The following DTWD1 variants were observed in gnomAD, a reference collection of about 807,000 sequenced individuals.
DTWD1 encodes DTW motif tRNA-uridine aminocarboxypropyltransferase 1.
DTWD1 carries 27 observed loss-of-function variants against 30.2 expected under a neutral mutation model. The ratio of observed to expected loss-of-function variants is 0.90; its 90% confidence interval spans 0.66 to 1.23. DTWD1 has a LOEUF of 1.23. DTWD1 is among the 50% of genes most tolerant of loss of function. The probability of loss-of-function intolerance (pLI) is 0.00; values close to 1 mark genes in which losing one functional copy is unlikely to be tolerated. For missense variants in DTWD1, 342 were observed against 348.8 expected, an observed-to-expected ratio of 0.98 and a Z score of 0.15; for synonymous variants, 99 against 113.1, an observed-to-expected ratio of 0.88 and a Z score of 0.79.
chr15:49,635,129 G>A (rs762334951), intron 4 of DTWD1, among the ~76,000 whole-genome samples: 6 of 152,028 alleles, frequency 3.9e-5, no homozygotes, highest in African/African-American at 4.8e-5. Flanking sequence ...CCTCCTCCTG[G>A]GTTCAAGTGA....
Position 49,643,577 on chromosome 15 carries a change from A to G in DTWD1, c.914A>G (p.Ter305TrpextTer25). The G allele has an allele frequency of 6.3e-7, 1 of 1,584,184 alleles. No individual in the cohort carries two copies. Among genetic ancestry groups the G allele is most frequent in the Non-Finnish European group, 8.6e-7 (1 of 1,169,062 alleles). The part of the protein sequence containing the change: ...GDKETGKLTH[*>W] Reference sequence around the variant, plus strand: ...AAGGAAACAGGAAAACTTACACATTAGTTTTTAACAAGCCACTTATGTCTT... The same window carrying G: ...AAGGAAACAGGAAAACTTACACATTGGTTTTTAACAAGCCACTTATGTCTT... Residue 305 changes from the stop codon to tryptophan (W), a stop_lost, in exon 5 of 5, where the codon TAG becomes TGG. Transcript: ENST00000403028.
At chr15:49,642,475 A>G (rs1053867122) in intron 4 of DTWD1, among the ~76,000 whole-genome samples, 1 of 152,184 alleles carries the variant, frequency 6.6e-6, no homozygotes, top group African/African-American at 2.4e-5. Flanking sequence ...GAGCTAAAAC[A>G]AACAAGCAAA....
In DTWD1 at chr15:49,649,531, G is replaced by GTT. The variant is rs2079140374; in HGVS notation, c.*5955_*5956dup. 1 of 152,250 alleles carries GTT rather than the reference G, an allele frequency of 6.6e-6. No homozygotes were observed. Among genetic ancestry groups the GTT allele is most frequent in the Middle Eastern group, 3.1e-3 (1 of 318 alleles). 9.4% of individuals were successfully genotyped at this position (152,250 alleles called of 1,614,324 possible). A position where few individuals can be genotyped will look rare whatever the true frequency, so the allele number is the denominator to read the frequency against. ...GCAGGTGGATCGCCTGAGGTCTGGA[G>GTT]TTTAAGACCAGCCTGGCTAACATGG... On this transcript the variant is annotated 3_prime_UTR_variant, in exon 5 of 5. Transcript: ENST00000403028.
At position 49,632,144 on chromosome 15, in the gene DTWD1, T is replaced by C. The variant is rs1234338541; in HGVS notation, c.265-15T>C. 2 of 1,545,186 alleles carry C rather than the reference T, an allele frequency of 1.3e-6. No homozygotes were observed. Among genetic ancestry groups the C allele is most frequent in the Non-Finnish European group, 8.7e-7 (1 of 1,154,566 alleles). On this transcript the variant is annotated splice_polypyrimidine_tract_variant and intron_variant, in intron 2 of 4. Coordinates refer to ENST00000403028, the MANE Select transcript of DTWD1 (RefSeq NM_001144955.2). Reference sequence around the variant, plus strand: ...TGTTTATATATTTTTTTATTTGTGCTTTTTTTACCTTTAGCTTCCATTGAA... The same window carrying C: ...TGTTTATATATTTTTTTATTTGTGCCTTTTTTACCTTTAGCTTCCATTGAA...
intron 1 of DTWD1, among the ~76,000 whole-genome samples, chr15:49,622,743 T>C (rs73406036): frequency 0.06 from 9,093 of 152,252 alleles, 708 homozygotes; most frequent in African/African-American, 0.18. Context: ...GCCCTGATCA[T>C]GTAGTTTCAG....
In DTWD1 at chr15:49,651,491, T is replaced by C. The variant is rs2079151922; in HGVS notation, c.*7913T>C. 1 of 152,154 alleles carries C rather than the reference T, an allele frequency of 6.6e-6. No homozygotes were observed. The highest frequency in any genetic ancestry group is 2.4e-5 in the African/African-American group (1 of 41,432). 9.4% of individuals were successfully genotyped at this position (152,154 alleles called of 1,614,324 possible). On this transcript the variant is annotated 3_prime_UTR_variant, in exon 5 of 5. Coordinates refer to ENST00000403028, the MANE Select transcript of DTWD1 (RefSeq NM_001144955.2). ...CTGTGGAAAGGATGAAGACTAAGCATAGGGTTCAGTAGCTTGAGTTTCAAC... is the reference window on the plus strand; with the variant it reads ...CTGTGGAAAGGATGAAGACTAAGCACAGGGTTCAGTAGCTTGAGTTTCAAC...
intron 4 of DTWD1, among the ~76,000 whole-genome samples, chr15:49,638,583 T>C (rs1413810228): frequency 6.6e-6 from 1 of 152,184 alleles, no homozygotes; most frequent in Non-Finnish European, 1.5e-5. Context: ...AAACAATCCA[T>C]GGTTTTTATA....
intron 2 of DTWD1, among the ~76,000 whole-genome samples, chr15:49,628,876 G>A (rs1393594141): frequency 1.3e-5 from 2 of 151,638 alleles, no homozygotes; most frequent in African/African-American, 4.9e-5. Context: ...TTAAGTTCTT[G>A]GATACATGTG....
chr15:49,627,179 A>G (rs1209830622), intron 2 of DTWD1, among the ~76,000 whole-genome samples: 1 of 152,156 alleles, frequency 6.6e-6, no homozygotes, highest in African/African-American at 2.4e-5. Context: ...TTTAATAGAA[A>G]TGACTCAAGA....
rs1366058869 is a variant in DTWD1 at position 49,644,084 on chromosome 15, CA to C, written c.*507del. 2.0e-5 allele frequency: 3 copies of C among 152,134 alleles called. No homozygotes were observed. Among genetic ancestry groups the C allele is most frequent in the African/African-American group, 7.2e-5 (3 of 41,412 alleles). 9.4% of individuals were successfully genotyped at this position (152,134 alleles called of 1,614,324 possible). On this transcript the variant is annotated 3_prime_UTR_variant, in exon 5 of 5. Transcript: ENST00000403028. The stretch of plus-strand genomic sequence containing the variant: ...CTTTAAGTCCTAAGGTTGTTAAAAG[CA>C]GAGACTCTGGAGCTAGACTACCTGA...
intron 3 of DTWD1, among the ~76,000 whole-genome samples, chr15:49,632,849 G>T (rs1243038601): frequency 6.6e-6 from 1 of 151,914 alleles, no homozygotes; most frequent in Admixed American, 6.6e-5. Flanking sequence ...GAAATTATGG[G>T]TCTTCTTGCT....
rs1466264479 is a variant in DTWD1, at chr15:49,644,257, A to G, written c.*679A>G. ...GTACCTGAAATATAGTAAGTGTTAC[A>G]TATATGTTTACTCTTTTTATTTTAT... is the stretch of plus-strand genomic sequence containing the variant. On this transcript the variant is annotated 3_prime_UTR_variant, in exon 5 of 5. Transcript: ENST00000403028. 2.0e-5 allele frequency: 3 copies of G among 152,196 alleles called. No homozygotes were observed. The highest frequency in any genetic ancestry group is 2.1e-4 in the South Asian group (1 of 4,836). The allele number at this position is 152,196 out of a possible 1,614,324, so 9.4% of individuals were successfully genotyped here.
Position 49,651,298 on chromosome 15 carries a change from C to T in DTWD1, c.*7720C>T, listed in dbSNP as rs1407612510. ...TACTTGTGTCAAGTATGTACATGAA[C>T]TGTGAAGGTCTCTGTATTACGTGCA... On this transcript the variant is annotated 3_prime_UTR_variant, in exon 5 of 5. Transcript: ENST00000403028. 2 of 152,088 alleles carry T rather than the reference C, an allele frequency of 1.3e-5. No homozygotes were observed. The highest frequency in any genetic ancestry group is 2.4e-5 in the African/African-American group (1 of 41,416). The allele number at this position is 152,088 out of a possible 1,614,324, so 9.4% of individuals were successfully genotyped here. A position where few individuals can be genotyped will look rare whatever the true frequency, so the allele number is the denominator to read the frequency against.
intron 2 of DTWD1, chr15:49,626,735 G>C: frequency 2.3e-6 from 1 of 440,252 alleles, no homozygotes; most frequent in South Asian, 1.6e-5. Flanking sequence ...TATTTTATTT[G>C]AATTTCAGTT....
At chr15:49,624,884 G>C (rs548783604) in intron 1 of DTWD1, among the ~76,000 whole-genome samples, 7 of 152,226 alleles carry the variant, frequency 4.6e-5, no homozygotes, top group Admixed American at 1.3e-4. Context: ...AACAAAAAAG[G>C]GTTCTTGAAA....
rs2153354398 is a variant in DTWD1, at chr15:49,646,028, TA to T, written c.*2451del. ...TGCATTCAGAGATTTAGTGCATTTT[TA>T]CTTACACTTGTGCTTCTGCTGTTGA... is the stretch of plus-strand genomic sequence containing the variant. On this transcript the variant is annotated 3_prime_UTR_variant, in exon 5 of 5. Transcript: ENST00000403028. The T allele has an allele frequency of 6.6e-6, 1 of 152,336 alleles. No homozygotes were observed. Among genetic ancestry groups the T allele is most frequent in the South Asian group, 2.1e-4 (1 of 4,832 alleles). 9.4% of individuals were successfully genotyped at this position (152,336 alleles called of 1,614,324 possible).
In DTWD1 at chr15:49,643,778, A is replaced by C. The variant is rs1228104847; in HGVS notation, c.*200A>C. On this transcript the variant is annotated 3_prime_UTR_variant, in exon 5 of 5. Transcript: ENST00000403028. ...TTTCAGAGATACTGTTGATTGAAAA[A>C]CTTACTTCAGAAGTTATTTGCTCAG... 4 of 481,860 alleles carry C rather than the reference A, an allele frequency of 8.3e-6. No individual in the cohort carries two copies. The highest frequency in any genetic ancestry group is 1.3e-5 in the Non-Finnish European group (4 of 298,778). 29.8% of individuals were successfully genotyped at this position (481,860 alleles called of 1,614,324 possible).
In DTWD1 at chr15:49,625,379, C is replaced by T. The variant is rs1211589281; in HGVS notation, c.212C>T (p.Thr71Ile). The T allele has an allele frequency of 3.7e-6, 6 of 1,613,638 alleles. No individual in the cohort carries two copies. The South Asian group carries it at 4.4e-5, about 12-fold the overall frequency. The change falls in exon 2 of 5, where the codon ACA (threonine) becomes ATA (isoleucine). Residue 71 changes from threonine (T) to isoleucine (I), a missense_variant. Coordinates refer to ENST00000403028, the MANE Select transcript of DTWD1 (RefSeq NM_001144955.2). ...CGGSRMFYCY[T>I]CYVPVENVPI... ...GGTTCCAGAATGTTCTACTGCTATA[C>T]ATGTTATGTTCCAGTTGAAAATGTA...
Position 49,653,382 on chromosome 15 carries a change from C to G in DTWD1, c.*9804C>G, listed in dbSNP as rs1221723044. On this transcript the variant is annotated 3_prime_UTR_variant, in exon 5 of 5. Coordinates refer to ENST00000403028, the MANE Select transcript of DTWD1 (RefSeq NM_001144955.2). ...CTGGAAGCTGGAAAAAGCAAAGAAA[C>G]AGATTCTTTCCAGAGTGTCCAGAAA... 6.6e-6 allele frequency: 1 copy of G among 152,088 alleles called. No individual in the cohort carries two copies. Among genetic ancestry groups the G allele is most frequent in the Non-Finnish European group, 1.5e-5 (1 of 68,008 alleles). 9.4% of individuals were successfully genotyped at this position (152,088 alleles called of 1,614,324 possible).
Sources: gnomAD v4.1 joint callset for allele counts (sites outside exome capture counted in the v4.1 genomes callset) on GRCh38, gnomAD v4.1.1 for gene constraint, MANE v1.5 for transcripts, NCBI Gene and HGNC (gene_info 2026-07-23, HGNC 2026-07-21) for gene names.